The following PHTF1 variants were observed in gnomAD, a reference collection of about 807,000 sequenced individuals.
PHTF1 encodes protein PHTF1.
In PHTF1, 88 loss-of-function variants were observed where a neutral mutation model predicts 102.4. The ratio of observed to expected loss-of-function variants is 0.86; its 90% CI spans 0.72 to 1.03. The LOEUF (loss-of-function observed/expected upper bound fraction) is 1.03, where lower values mean the gene tolerates loss of function less well. Among genes scored for constraint, PHTF1 ranks in the 50% least tolerant of loss-of-function variants. PHTF1 has a pLI of 0.00. For synonymous variants in PHTF1, 289 were observed against 305.2 expected, an observed-to-expected ratio of 0.95 and a Z score of 0.55; for missense variants, 814 against 909.5, an observed-to-expected ratio of 0.89 and a Z score of 1.35.
chr1:113,754,874 T>C (rs1658612299), intron 3 of PHTF1, among the ~76,000 whole-genome samples: 1 of 152,168 alleles, frequency 6.6e-6, no homozygotes, highest in South Asian at 2.1e-4. Context: ...TCACTCTATC[T>C]ATGTACCTTA....
intron 5 of PHTF1, among the ~76,000 whole-genome samples, chr1:113,732,334 A>G (rs1030427745): frequency 6.6e-6 from 1 of 152,174 alleles, no homozygotes; most frequent in Non-Finnish European, 1.5e-5. Context: ...CATCTCTACT[A>G]AAAATACTAA....
At chr1:113,722,728 C>A (rs1162243367) in intron 7 of PHTF1, among the ~76,000 whole-genome samples, 6 of 148,850 alleles carry the variant, frequency 4.0e-5, no homozygotes, top group Admixed American at 1.3e-4. Context: ...GCCTGGCCAA[C>A]ATGGTGAAAC....
chr1:113,756,628 A>G (rs950831761), intron 3 of PHTF1, among the ~76,000 whole-genome samples: 1 of 152,184 alleles, frequency 6.6e-6, no homozygotes, highest in African/African-American at 2.4e-5. Flanking sequence ...AGACTATCCA[A>G]TTACATTTGG....
chr1:113,741,757 C>T (rs553360762), intron 3 of PHTF1, among the ~76,000 whole-genome samples: 3 of 152,018 alleles, frequency 2.0e-5, no homozygotes, highest in African/African-American at 7.3e-5. Context: ...AGTCAAAACA[C>T]GGCTCTATCT....
intron 5 of PHTF1, among the ~76,000 whole-genome samples, chr1:113,729,870 A>C (rs1005714471): frequency 1.3e-5 from 2 of 151,516 alleles, no homozygotes; most frequent in Non-Finnish European, 2.9e-5. Context: ...CTCAATAAAA[A>C]CTCTACATAC....
At chr1:113,706,394 C>T (rs1260498289) in intron 12 of PHTF1, among the ~76,000 whole-genome samples, 200 bp downstream of exon 12, 2 of 151,916 alleles carry the variant, frequency 1.3e-5, no homozygotes, top group African/African-American at 2.4e-5. Context: ...CCAGGTATAA[C>T]AAATAATGTA....
intron 5 of PHTF1, among the ~76,000 whole-genome samples, chr1:113,736,258 C>A (rs886864407): frequency 1.3e-5 from 2 of 150,308 alleles, no homozygotes. Context: ...AAGGGAATGG[C>A]GTGAACCCAG....
intron 3 of PHTF1, among the ~76,000 whole-genome samples, chr1:113,754,515 A>G (rs1354296231): frequency 1.3e-5 from 2 of 152,208 alleles, no homozygotes; most frequent in Non-Finnish European, 2.9e-5. Context: ...TTAAATAAAT[A>G]CGTAATGGAT....
chr1:113,739,361 C>T (rs538557339), intron 3 of PHTF1, among the ~76,000 whole-genome samples: 2 of 152,228 alleles, frequency 1.3e-5, no homozygotes, highest in Non-Finnish European at 2.9e-5. Flanking sequence ...CAGATCAATA[C>T]GTGAAAAACA....
intron 16 of PHTF1, chr1:113,700,221 A>G (rs1240753083): frequency 6.7e-6 from 6 of 898,414 alleles, no homozygotes; most frequent in Non-Finnish European, 8.0e-6. Context: ...TTTGCCTTGT[A>G]GGAAGAATTC....
chr1:113,745,697 C>T (rs12086805), intron 3 of PHTF1, among the ~76,000 whole-genome samples: 1,729 of 152,266 alleles, frequency 0.011, 34 homozygotes, highest in African/African-American at 0.039. Flanking sequence ...GCAAACCCCA[C>T]TGTGACCTGC....
intron 7 of PHTF1, 80 bp from the exon 8 acceptor site, chr1:113,713,518 G>A (rs375122003): frequency 8.3e-6 from 6 of 719,788 alleles, no homozygotes; most frequent in South Asian, 5.5e-5. Flanking sequence ...TAAGGAATAC[G>A]CTATATTATT....
At chr1:113,744,983 TGGGGAGGGGAGGGGA>T (rs1409810042) in intron 3 of PHTF1, among the ~76,000 whole-genome samples, 7 of 9,036 alleles carry the variant, frequency 7.7e-4, no homozygotes, top group African/African-American at 2.6e-3. Flanking sequence ...GGAGGGGAGT[TGGGGAGGGGAGGGGA>T]AGGGAGGGCA....
At position 113,731,087 on chromosome 1, in the gene PHTF1, T is replaced by C. The variant is rs116647359; in HGVS notation, c.332-4513A>G. Among the ~76,000 whole-genome samples, 303 of 152,194 alleles carry C rather than the reference T, an allele frequency of 2.0e-3. 1 individual carries two copies. Among genetic ancestry groups the C allele is most frequent in the African/African-American group, 6.9e-3 (288 of 41,516 alleles). On this transcript the variant is annotated intron_variant, in intron 5 of 18. Transcript: ENST00000369604. ...AAAAATTTTGGAAATAAACAGTGGG[T>C]AATGGTTGTATTCCAGTATCAGTAT...
In PHTF1 at chr1:113,698,387, C is replaced by T. The variant is rs1649034781; in HGVS notation, c.2143G>A (p.Glu715Lys). Residue 715 changes from glutamate to lysine, a missense_variant and splice_region_variant, in exon 18 of 19, where the codon GAG becomes AAG. Physicochemically the swap from Glu to Lys is moderately conservative, Grantham distance 56. Coordinates refer to ENST00000369604, the MANE Select transcript of PHTF1 (RefSeq NM_001323043.2). ...VLKLSTKLLKELDTPFRLYGL... is the reference protein window; with the variant it reads ...VLKLSTKLLKKLDTPFRLYGL... ...TAGAGTCTAAATGGTGTGTCCAGCTCCTACAAAAAACATCAAAGAATTGAA... is the reference window on the plus strand; with the variant it reads ...TAGAGTCTAAATGGTGTGTCCAGCTTCTACAAAAAACATCAAAGAATTGAA... 1 of 1,609,994 alleles carries T rather than the reference C, an allele frequency of 6.2e-7. No homozygotes were observed. The highest frequency in any genetic ancestry group is 8.5e-7 in the Non-Finnish European group (1 of 1,177,990).
chr1:113,758,674 C>G lies in PHTF1; in HGVS notation c.30G>C (p.Ser10=), dbSNP rs1205382034. 3.7e-6 allele frequency: 6 copies of G among 1,601,666 alleles called. No individual in the cohort carries two copies. The highest frequency in any genetic ancestry group is 4.3e-6 in the Non-Finnish European group (5 of 1,170,442). ...TATGTATTACCTTCTTTTGGTACCA[C>G]GATATAGCATCTCTCTCATTTGAGG... MASNERDAI[S]WYQKKIGAYD... is the part of the protein sequence containing the mutation. Residue 10 remains serine, a synonymous_variant, in exon 2 of 19, where the codon TCG becomes TCC. Coordinates refer to ENST00000369604, the MANE Select transcript of PHTF1 (RefSeq NM_001323043.2).
In PHTF1 at chr1:113,736,698, T is replaced by C. The variant is rs184546798; in HGVS notation, c.331+1412A>G. ...AGGCAGAGGTTGCAGTGAGCTGAGA[T>C]TGCACCACTGCACTCCAGCCTGGGA... On this transcript the variant is annotated intron_variant, in intron 5 of 18. Transcript: ENST00000369604. Among the ~76,000 whole-genome samples, 485 of 152,176 alleles carry C rather than the reference T, an allele frequency of 3.2e-3. 2 individuals carry two copies. Among genetic ancestry groups the C allele is most frequent in the African/African-American group, 0.011 (454 of 41,528 alleles).
chr1:113,738,247 T>G lies in PHTF1; in HGVS notation c.194A>C (p.Lys65Thr). The G allele has an allele frequency of 6.2e-7, 1 of 1,613,956 alleles. No individual in the cohort carries two copies. Among genetic ancestry groups the G allele is most frequent in the Non-Finnish European group, 8.5e-7 (1 of 1,179,912 alleles). Reference sequence around the variant, plus strand: ...CAGAGATGTCCATGGAATTTCAGGTTTTGCTTTGGCAAATGTTGACCCTTT... The same window carrying G: ...CAGAGATGTCCATGGAATTTCAGGTGTTGCTTTGGCAAATGTTGACCCTTT... ...LIRGSTFAKA[K>T]PEIPWTSLTR... is the part of the protein sequence containing the mutation. The change falls in exon 5 of 19, where the codon AAA (lysine) becomes ACA (threonine). Residue 65 changes from lysine to threonine, a missense_variant. Coordinates refer to ENST00000369604, the MANE Select transcript of PHTF1 (RefSeq NM_001323043.2).
intron 5 of PHTF1, among the ~76,000 whole-genome samples, chr1:113,727,676 T>G (rs1160267272): frequency 6.6e-6 from 1 of 152,130 alleles, no homozygotes; most frequent in Admixed American, 6.6e-5. Flanking sequence ...AATAAAGAAT[T>G]TGGTTGGCGG....
Sources: gnomAD v4.1 joint callset for allele counts (sites outside exome capture counted in the v4.1 genomes callset) on GRCh38, gnomAD v4.1.1 for gene constraint, MANE v1.5 for transcripts, NCBI Gene and HGNC (gene_info 2026-07-23, HGNC 2026-07-21) for gene names.